Variants in REV1 observed in about 807,000 individuals in gnomAD.
The protein encoded by REV1 is translesion synthesis protein REV1.
REV1 carries 42 observed loss-of-function variants against 137.4 expected under a neutral mutation model. The ratio of observed to expected loss-of-function variants is 0.31; its 90% CI spans 0.24 to 0.40. The LOEUF is 0.40. REV1 is among the 10% of genes least tolerant of loss of function. The probability of loss-of-function intolerance (pLI) is 1.00; values close to 1 mark genes in which losing one functional copy is unlikely to be tolerated. For missense variants in REV1, 1,282 were observed against 1,490.1 expected (o/e 0.86, Z 2.30); for synonymous variants, 524 against 519.2 (o/e 1.01, Z -0.12).
chr2:99,431,973 T>C (rs1425543079), intron 8 of REV1: 1 of 849,804 alleles, frequency 1.2e-6, no homozygotes, highest in African/African-American at 1.8e-5. Flanking sequence ...AATAAATCTA[T>C]GACTAATACG....
intron 4 of REV1, among the ~76,000 whole-genome samples, chr2:99,445,308 A>G (rs1682055415): frequency 6.6e-6 from 1 of 152,242 alleles, no homozygotes; most frequent in South Asian, 2.1e-4. Flanking sequence ...GGGAGTTTAG[A>G]AAGAAAAGAT....
intron 4 of REV1, among the ~76,000 whole-genome samples, chr2:99,447,646 A>G (rs1024100379): frequency 5.9e-5 from 9 of 152,172 alleles, no homozygotes; most frequent in African/African-American, 2.2e-4. Context: ...TATTTCTCAC[A>G]TAACCACAGC....
rs1211299974 is a variant in REV1, at chr2:99,454,828, C to G, written c.182-5324G>C. On this transcript the variant is annotated intron_variant, in intron 3 of 22. Transcript: ENST00000258428. Reference sequence around the variant, plus strand: ...ATATGCAACTAAATTTGAGGTTTAACTAAAACCAGACATAGTGACAGACAA... The same window carrying G: ...ATATGCAACTAAATTTGAGGTTTAAGTAAAACCAGACATAGTGACAGACAA... 2.0e-5 allele frequency among the ~76,000 whole-genome samples: 3 copies of G among 152,152 alleles called. No homozygotes were observed. In the East Asian group the frequency reaches 5.8e-4, roughly 29 times the overall value.
rs1226272878 is a variant in REV1 at position 99,400,630 on chromosome 2, G to C, written c.*611C>G. On this transcript the variant is annotated 3_prime_UTR_variant, in exon 23 of 23. Coordinates refer to ENST00000258428, the MANE Select transcript of REV1 (RefSeq NM_016316.4). ...AAGACAACACCACCTCTGATCTACG[G>C]GACATAATGTTCCCAGGAAAAAAAT... 6.6e-6 allele frequency: 1 copy of C among 152,066 alleles called. No individual in the cohort carries two copies. Among genetic ancestry groups the C allele is most frequent in the Non-Finnish European group, 1.5e-5 (1 of 68,020 alleles). The allele number at this position is 152,066 out of a possible 1,614,324, so 9.4% of individuals were successfully genotyped here.
At chr2:99,443,228 C>G (rs751356889) in intron 4 of REV1, among the ~76,000 whole-genome samples, 1 of 152,148 alleles carries the variant, frequency 6.6e-6, no homozygotes, top group Non-Finnish European at 1.5e-5. Context: ...ATGCTATCAT[C>G]CAAATTTCAA....
chr2:99,442,547 A>G, intron 4 of REV1, 78 bp from the exon 5 acceptor site: 1 of 1,327,926 alleles, frequency 7.5e-7, no homozygotes, highest in Non-Finnish European at 1.1e-6. Flanking sequence ...CAATGTCCTT[A>G]AAGATACAGT....
intron 1 of REV1, among the ~76,000 whole-genome samples, chr2:99,470,976 AAT>A (rs1263298739): frequency 6.6e-6 from 1 of 152,256 alleles, no homozygotes; most frequent in African/African-American, 2.4e-5. Flanking sequence ...ATCTTTATGT[AAT>A]AGTTATCTAA....
intron 15 of REV1, 128 bp from the exon 16 acceptor site, chr2:99,406,618 A>G: frequency 2.8e-6 from 2 of 716,408 alleles, no homozygotes; most frequent in South Asian, 7.6e-5. Context: ...AAGGTAAATG[A>G]AAGTATTCAA....
intron 4 of REV1, among the ~76,000 whole-genome samples, chr2:99,449,125 T>C (rs1257566017): frequency 6.6e-6 from 1 of 151,930 alleles, no homozygotes; most frequent in East Asian, 1.9e-4. Context: ...ATCAGCCAGG[T>C]GTGGTGGCGC....
rs369323449 is a variant in REV1, at chr2:99,401,268, A to C, written c.3729T>G (p.Thr1243=). 14 of 1,611,990 alleles carry C rather than the reference A, an allele frequency of 8.7e-6. No individual in the cohort carries two copies. Among genetic ancestry groups the C allele is most frequent in the Non-Finnish European group, 1.2e-5 (14 of 1,178,086 alleles). ...LDNVQVVLQQ[T]YGSTLKVT is the part of the protein sequence containing the mutation. ...ATGTAACTTTTAATGTGCTTCCATA[A>C]GTTTGTTGTAAAACCACCTGGACAT... is the stretch of plus-strand genomic sequence containing the variant. The change falls in exon 23 of 23, where the codon ACT becomes ACG. Residue 1243 remains threonine (T), a synonymous_variant. Transcript: ENST00000258428.
intron 12 of REV1, among the ~76,000 whole-genome samples, chr2:99,417,196 G>A (rs1264975914): frequency 3.3e-5 from 5 of 151,972 alleles, no homozygotes; most frequent in Admixed American, 3.3e-4. Context: ...CTGGAGTGCA[G>A]TGGTGCGATC....
At chr2:99,446,874 T>TC (rs1241427628) in intron 4 of REV1, among the ~76,000 whole-genome samples, 3 of 152,058 alleles carry the variant, frequency 2.0e-5, no homozygotes, top group Admixed American at 1.3e-4. Flanking sequence ...CCACAGAAAT[T>TC]CCCCATTCCC....
intron 1 of REV1, among the ~76,000 whole-genome samples, chr2:99,481,308 TTA>T (rs887830178): frequency 6.6e-6 from 1 of 152,190 alleles, no homozygotes; most frequent in African/African-American, 2.4e-5. Flanking sequence ...AGTATACAGT[TTA>T]TAACCCAAGC....
chr2:99,438,956 T>C lies in REV1; in HGVS notation c.858A>G (p.Thr286=). The change falls in exon 6 of 23, where the codon ACA becomes ACG. Residue 286 remains threonine, a synonymous_variant. Coordinates refer to ENST00000258428, the MANE Select transcript of REV1 (RefSeq NM_016316.4). ...TTCTGTGTGGATTCCGCAAAGCATC[T>C]GTGTTTCTGGTGCTTTGCTGCAACT... ...LQQLQQSTRN[T]DALRNPHRTN... The C allele has an allele frequency of 6.2e-7, 1 of 1,614,200 alleles. No homozygotes were observed. The highest frequency in any genetic ancestry group is 8.5e-7 in the Non-Finnish European group (1 of 1,179,986).
At chr2:99,405,693 C>G (rs1446126960) in intron 17 of REV1, 1 of 390,344 alleles carries the variant, frequency 2.6e-6, no homozygotes, top group South Asian at 7.8e-5. Context: ...TTACAACTTG[C>G]AAGAGTGGCA....
intron 1 of REV1, among the ~76,000 whole-genome samples, chr2:99,470,142 C>T (rs111231158): frequency 0.01 from 1,532 of 151,906 alleles, 27 homozygotes; most frequent in African/African-American, 0.035. Flanking sequence ...AAAGATATTT[C>T]ATCTATTTAC....
chr2:99,446,833 A>C (rs1682290631), intron 4 of REV1, among the ~76,000 whole-genome samples: 1 of 152,016 alleles, frequency 6.6e-6, no homozygotes, highest in Non-Finnish European at 1.5e-5. Flanking sequence ...TCCCCCCAGC[A>C]AGATCGCTTT....
At chr2:99,421,229 G>A (rs1318747407) in intron 11 of REV1, among the ~76,000 whole-genome samples, 2 of 150,030 alleles carry the variant, frequency 1.3e-5, no homozygotes, top group Non-Finnish European at 3.0e-5. Context: ...TTCACTTTTG[G>A]GAAAAAAAAA....
chr2:99,470,328 TTTA>T (rs1271778936), intron 1 of REV1, among the ~76,000 whole-genome samples: 1 of 152,176 alleles, frequency 6.6e-6, no homozygotes, highest in East Asian at 1.9e-4. Context: ...TTAATCAGTC[TTTA>T]TTAATACAGT....
Sources: gnomAD v4.1 joint callset for allele counts (sites outside exome capture counted in the v4.1 genomes callset) on GRCh38, gnomAD v4.1.1 for gene constraint, MANE v1.5 for transcripts, NCBI Gene and HGNC (gene_info 2026-07-23, HGNC 2026-07-21) for gene names.